Variants in MACROH2A1 observed in about 807,000 individuals in gnomAD.
MACROH2A1 encodes the protein core histone macro-H2A.1.
A neutral mutation model predicts 31.6 loss-of-function variants in MACROH2A1; 2 were observed. The ratio of observed to expected loss-of-function variants is 0.06; its 90% CI spans 0.03 to 0.20. The LOEUF is 0.20. MACROH2A1 is among the 10% of genes least tolerant of loss of function. MACROH2A1 has a pLI of 1.00. For missense variants in MACROH2A1, 230 were observed against 474.0 expected (o/e 0.49, Z 4.78); for synonymous variants, 169 against 189.6 (o/e 0.89, Z 0.89).
At chr5:135,379,063 A>G (rs1211292321) in intron 2 of MACROH2A1, among the ~76,000 whole-genome samples, 1 of 152,226 alleles carries the variant, frequency 6.6e-6, no homozygotes, top group Non-Finnish European at 1.5e-5. Context: ...CTCAGCTACT[A>G]GTTACCACAA....
chr5:135,353,824 C>T (rs1404582748), intron 5 of MACROH2A1: 1 of 151,958 alleles, frequency 6.6e-6, no homozygotes, highest in African/African-American at 2.4e-5. Context: ...GAATGGGTGT[C>T]CCCCAGCCAC....
intron 4 of MACROH2A1, chr5:135,361,985 A>G (rs1762899078): frequency 6.6e-6 from 1 of 152,246 alleles, no homozygotes; most frequent in Non-Finnish European, 1.5e-5. Flanking sequence ...ATTACAAATT[A>G]TCACTATTTT....
intron 2 of MACROH2A1, among the ~76,000 whole-genome samples, chr5:135,385,147 TG>T (rs1213069870): frequency 6.6e-6 from 1 of 152,232 alleles, no homozygotes; most frequent in East Asian, 1.9e-4. Flanking sequence ...CCCATCACCA[TG>T]CCTGCAATTG....
chr5:135,347,217 T>C (rs1760952405), intron 6 of MACROH2A1: 6 of 152,186 alleles, frequency 3.9e-5, no homozygotes, highest in Admixed American at 3.9e-4. Context: ...TTAGTGAAAC[T>C]TGCCTCCTTT....
intron 2 of MACROH2A1, among the ~76,000 whole-genome samples, chr5:135,370,706 T>C (rs985481031): frequency 1.3e-5 from 2 of 152,184 alleles, no homozygotes; most frequent in Non-Finnish European, 2.9e-5. Flanking sequence ...AAAGTGTGTG[T>C]GTGTGGGGGG....
intron 2 of MACROH2A1, among the ~76,000 whole-genome samples, chr5:135,384,024 C>G (rs1168267626): frequency 6.6e-6 from 1 of 152,000 alleles, no homozygotes; most frequent in East Asian, 1.9e-4. Flanking sequence ...TTTGAGTGTC[C>G]CGGATAGGAA....
At chr5:135,366,140 T>C (rs1255400455) in intron 4 of MACROH2A1, among the ~76,000 whole-genome samples, 1 of 152,236 alleles carries the variant, frequency 6.6e-6, no homozygotes, top group Non-Finnish European at 1.5e-5. Flanking sequence ...GATTCTAAGT[T>C]TCCTGAGGCT....
intron 5 of MACROH2A1, chr5:135,359,980 A>C: frequency 1.2e-6 from 1 of 802,452 alleles, no homozygotes; most frequent in Non-Finnish European, 1.5e-6. Flanking sequence ...CAAACAAACA[A>C]TTAGCTGGAA....
rs73789331 is a variant in MACROH2A1 at position 135,380,471 on chromosome 5, C to T, written c.172+8451G>A. ...ATGGCAGTGAAGGAAGGTTCTCCAA[C>T]GCCCAGGCCTAGTTTCATGTTTTAG... On this transcript the variant is annotated intron_variant, in intron 2 of 8. Transcript: ENST00000511689. 8.5e-3 allele frequency among the ~76,000 whole-genome samples: 1,291 copies of T among 152,318 alleles called. 22 individuals carry two copies. The highest frequency in any genetic ancestry group is 0.029 in the African/African-American group (1,221 of 41,554).
intron 8 of MACROH2A1, 24 bp downstream of exon 8, chr5:135,343,236 T>C: frequency 1.2e-6 from 2 of 1,613,148 alleles, no homozygotes; most frequent in Non-Finnish European, 1.7e-6. Context: ...CCATGACCGA[T>C]ACGTAACAAG....
chr5:135,369,690 C>T lies in MACROH2A1; in HGVS notation c.280-87G>A, dbSNP rs1352843419. 8.9e-7 allele frequency: 1 copy of T among 1,117,736 alleles called. No individual in the cohort carries two copies. The allele number at this position is 1,117,736 out of a possible 1,614,324, so 69.2% of individuals were successfully genotyped here. A position where few individuals can be genotyped will look rare whatever the true frequency, so the allele number is the denominator to read the frequency against. ...GCCAGCCCTGCCCAGGACAGTCTTG[C>T]TTTGGGTTGGTGCAGCTCCTTCCTC... On this transcript the variant is annotated intron_variant, in intron 3 of 8. Coordinates refer to ENST00000511689, the MANE Select transcript of MACROH2A1 (RefSeq NM_138610.3). The surrounding 1 kb of genome is among the most constrained non-coding windows in gnomAD (Gnocchi z 4.3).
At position 135,363,252 on chromosome 5, in the gene MACROH2A1, G is replaced by A. The variant is rs543372152; in HGVS notation, c.478-2645C>T. Among the ~76,000 whole-genome samples, 32 of 151,940 alleles carry A rather than the reference G, an allele frequency of 2.1e-4. 2 individuals are homozygous for A. In the South Asian group the frequency reaches 6.5e-3, roughly 31 times the overall value. On this transcript the variant is annotated intron_variant, in intron 4 of 8. Coordinates refer to ENST00000511689, the MANE Select transcript of MACROH2A1 (RefSeq NM_138610.3). ...AAGACTGGAGAGTTCCTGATTAAAC[G>A]ACTGGCCTTAGAAAGTAGTAAAGCA...
Position 135,343,445 on chromosome 5 carries a change from G to A in MACROH2A1, c.779-11C>T, listed in dbSNP as rs767829743. The stretch of plus-strand genomic sequence containing the variant: ...CTGCGCTGACAGCAGCTAGTGGTGC[G>A]GGGATGAAACAGAAACAGTGAGCTC... On this transcript the variant is annotated splice_polypyrimidine_tract_variant and intron_variant, in intron 7 of 8. Coordinates refer to ENST00000511689, the MANE Select transcript of MACROH2A1 (RefSeq NM_138610.3). 5.6e-6 allele frequency: 9 copies of A among 1,612,776 alleles called. No homozygotes were observed. Among genetic ancestry groups the A allele is most frequent in the East Asian group, 2.2e-5 (1 of 44,868 alleles).
chr5:135,376,752 G>T (rs759608349), intron 2 of MACROH2A1, among the ~76,000 whole-genome samples: 13 of 152,228 alleles, frequency 8.5e-5, no homozygotes, highest in Non-Finnish European at 1.6e-4. Flanking sequence ...AGGCTTATGA[G>T]ATTAATGAGT....
At chr5:135,335,668 G>A (rs1205894435) in intron 8 of MACROH2A1, among the ~76,000 whole-genome samples, 2 of 152,198 alleles carry the variant, frequency 1.3e-5, no homozygotes, top group Admixed American at 6.5e-5. Context: ...AGGCCAGAAC[G>A]CAGGGAGCTG....
intron 2 of MACROH2A1, among the ~76,000 whole-genome samples, chr5:135,370,536 C>T (rs1328075745): frequency 7.1e-6 from 1 of 140,684 alleles, no homozygotes; most frequent in Non-Finnish European, 1.5e-5. Flanking sequence ...GAGAGTATAC[C>T]ATGCCTGCTT....
intron 4 of MACROH2A1, among the ~76,000 whole-genome samples, chr5:135,366,382 G>A (rs1433877270): frequency 6.6e-6 from 1 of 152,092 alleles, no homozygotes; most frequent in African/African-American, 2.4e-5. Flanking sequence ...TGCCAGACAT[G>A]GTTCTATGCA....
upstream of MACROH2A1, chr5:135,399,507 ACT>A (rs4014174): frequency 0.03 from 4,621 of 152,206 alleles, 87 homozygotes; most frequent in East Asian, 0.051. This position sits in a 1 kb window ranked among gnomAD's most constrained non-coding sequence, Gnocchi z 4.5. Flanking sequence ...CGCGTCCCAG[ACT>A]CTGCGTCTCG....
rs537567366 is a variant in MACROH2A1 at position 135,369,897 on chromosome 5, G to A, written c.279+139C>T. On this transcript the variant is annotated intron_variant, in intron 3 of 8. Coordinates refer to ENST00000511689, the MANE Select transcript of MACROH2A1 (RefSeq NM_138610.3). This position sits in a 1 kb window ranked among gnomAD's most constrained non-coding sequence, Gnocchi z 4.3. ...AGGCCTTGGGGAAAAACTGCCATGG[G>A]AGGCAGAGAAGCTGCTAATTAATCC... 2 of 636,030 alleles carry A rather than the reference G, an allele frequency of 3.1e-6. No individual in the cohort carries two copies. Among genetic ancestry groups the A allele is most frequent in the South Asian group, 2.0e-5 (1 of 51,256 alleles). 39.4% of individuals were successfully genotyped at this position (636,030 alleles called of 1,614,324 possible). A position where few individuals can be genotyped will look rare whatever the true frequency, so the allele number is the denominator to read the frequency against.
Sources: gnomAD v4.1 joint callset for allele counts (sites outside exome capture counted in the v4.1 genomes callset) on GRCh38, gnomAD v4.1.1 for gene constraint, Gnocchi (gnomAD v3.1) non-coding constraint, MANE v1.5 for transcripts, NCBI Gene and HGNC (gene_info 2026-07-23, HGNC 2026-07-21) for gene names.